Variants in NUP98 observed in about 807,000 individuals in gnomAD.
The protein encoded by NUP98 is nucleoporin 98 and 96 precursor, also known as nuclear pore complex protein Nup98-Nup96.
NUP98 carries 26 observed loss-of-function variants against 191.9 expected under a neutral mutation model. That is an observed-to-expected ratio of 0.14 (90% CI 0.10 to 0.19). The LOEUF is 0.19. Ranked by LOEUF, NUP98 falls within the 10% of genes least tolerant of loss-of-function variation. NUP98 has a pLI of 1.00. For synonymous variants in NUP98, 808 were observed against 778.4 expected (o/e 1.04, Z -0.63); for missense variants, 1,941 against 2,178.8 (o/e 0.89, Z 2.17).
chr11:3,703,341 G>C (rs943999117), intron 22 of NUP98, among the ~76,000 whole-genome samples: 1 of 150,744 alleles, frequency 6.6e-6, no homozygotes, highest in Non-Finnish European at 1.5e-5. Flanking sequence ...TCAGCCTCCC[G>C]AGTAGCTGGG....
chr11:3,743,722 C>T, intron 12 of NUP98, among the ~76,000 whole-genome samples: 1 of 150,608 alleles, frequency 6.6e-6, no homozygotes, highest in Non-Finnish European at 1.5e-5. Flanking sequence ...TGGACCCTGG[C>T]AAAGTCTGGA....
At chr11:3,692,707 G>C (rs1451977274) in intron 27 of NUP98, among the ~76,000 whole-genome samples, 2 of 152,146 alleles carry the variant, frequency 1.3e-5, no homozygotes, top group Admixed American at 1.3e-4. Context: ...ATTTCAGGTA[G>C]CTATCACTAA....
chr11:3,761,431 A>C (rs2081163218), intron 9 of NUP98, among the ~76,000 whole-genome samples: 1 of 152,066 alleles, frequency 6.6e-6, no homozygotes, highest in Admixed American at 6.6e-5. Context: ...TTACCAGCCT[A>C]GCCAACGTGG....
intron 5 of NUP98, among the ~76,000 whole-genome samples, chr11:3,774,451 G>A (rs2081639492): frequency 6.6e-6 from 1 of 151,678 alleles, no homozygotes. Flanking sequence ...CTGGCCAGGC[G>A]CAGTGGCTCA....
chr11:3,729,265 C>T (rs755857357), intron 14 of NUP98, among the ~76,000 whole-genome samples: 8 of 151,724 alleles, frequency 5.3e-5, no homozygotes, highest in Non-Finnish European at 7.4e-5. Context: ...AATTTACAGA[C>T]GGTGGAATGA....
chr11:3,794,223 T>C (rs2082452716), intron 1 of NUP98, among the ~76,000 whole-genome samples: 3 of 152,238 alleles, frequency 2.0e-5, no homozygotes, highest in Non-Finnish European at 2.9e-5. Flanking sequence ...AGAGCCATAC[T>C]GTGCCAAATA....
chr11:3,741,268 A>C (rs781421458), intron 12 of NUP98, among the ~76,000 whole-genome samples: 17 of 152,154 alleles, frequency 1.1e-4, no homozygotes, highest in Non-Finnish European at 2.5e-4. Flanking sequence ...TGTATCTAAG[A>C]AACAGGTGTT....
chr11:3,757,690 T>C (rs762379483), intron 10 of NUP98, among the ~76,000 whole-genome samples: 28 of 151,712 alleles, frequency 1.8e-4, no homozygotes, highest in Non-Finnish European at 3.8e-4. Flanking sequence ...TCCCAGCTAC[T>C]TGGGAGGCTG....
chr11:3,791,898 G>A (rs975145898), intron 1 of NUP98, among the ~76,000 whole-genome samples: 3 of 150,566 alleles, frequency 2.0e-5, no homozygotes, highest in East Asian at 1.9e-4. Context: ...ACATGCATTC[G>A]GCTGGGCGCA....
At chr11:3,780,910 T>C (rs1372510122) in intron 2 of NUP98, among the ~76,000 whole-genome samples, 5 of 151,722 alleles carry the variant, frequency 3.3e-5, no homozygotes, top group Admixed American at 3.3e-4. Context: ...TGAAACCCCA[T>C]CCCTATTAAA....
intron 2 of NUP98, among the ~76,000 whole-genome samples, chr11:3,781,834 A>T (rs1448834454): frequency 1.3e-5 from 2 of 152,162 alleles, no homozygotes; most frequent in African/African-American, 4.8e-5. Context: ...TTCTACTGAC[A>T]ATCAGAAGAA....
intron 12 of NUP98, among the ~76,000 whole-genome samples, chr11:3,737,345 G>A (rs1212161041): frequency 6.7e-6 from 1 of 148,748 alleles, no homozygotes; most frequent in Non-Finnish European, 1.5e-5. Context: ...AAAAAAAGAG[G>A]CTGGGCGTGG....
intron 18 of NUP98, among the ~76,000 whole-genome samples, chr11:3,716,468 G>A (rs924908403): frequency 6.6e-6 from 1 of 152,052 alleles, no homozygotes; most frequent in Non-Finnish European, 1.5e-5. Context: ...CACTTTGGGA[G>A]GCCAAGGCAG....
intron 20 of NUP98, 127 bp from the exon 21 acceptor site, chr11:3,706,754 G>C: frequency 1.1e-6 from 1 of 870,594 alleles, no homozygotes; most frequent in East Asian, 2.5e-5. Flanking sequence ...TCTATGGTGA[G>C]GTAAGGTAGC....
chr11:3,772,013 C>G lies in NUP98; in HGVS notation c.604-85G>C, dbSNP rs1190908246. ...AGGCTAAATACTTGAATTTAGTATTCAAGTTCTATGTTCACATAGGAACCA... is the reference window on the plus strand; with the variant it reads ...AGGCTAAATACTTGAATTTAGTATTGAAGTTCTATGTTCACATAGGAACCA... On this transcript the variant is annotated intron_variant, in intron 6 of 32. Coordinates refer to ENST00000324932, the MANE Select transcript of NUP98 (RefSeq NM_016320.5). The G allele has an allele frequency of 3.5e-6, 4 of 1,150,300 alleles. No homozygotes were observed. In the African/African-American group the frequency reaches 4.6e-5, roughly 13 times the overall value. 71.3% of individuals were successfully genotyped at this position (1,150,300 alleles called of 1,614,324 possible).
rs754539788 is a variant in NUP98 at position 3,686,100 on chromosome 11, C to G, written c.4549G>C (p.Ala1517Pro). 4 of 1,614,216 alleles carry G rather than the reference C, an allele frequency of 2.5e-6. No homozygotes were observed. The highest frequency in any genetic ancestry group is 3.4e-6 in the Non-Finnish European group (4 of 1,180,028). ...LSWHLWEVLR[A>P]LNYTHLSAQC... Reference sequence around the variant, plus strand: ...GCTGAGAGATGGGTGTAGTTAAGAGCCCTCAGCACTTCCCACAAGTGCCAG... The same window carrying G: ...GCTGAGAGATGGGTGTAGTTAAGAGGCCTCAGCACTTCCCACAAGTGCCAG... Residue 1517 changes from alanine (A) to proline (P), a missense_variant, in exon 29 of 33, where the codon GCT becomes CCT. By Grantham distance (27) the Ala-to-Pro change is conservative. This residue lies in a region of NUP98 where 1,030 missense variants were observed against 1,115.8 expected (regional missense o/e 0.92). Transcript: ENST00000324932.
At chr11:3,694,600 C>T (rs946251600) in intron 26 of NUP98, among the ~76,000 whole-genome samples, 9 of 151,930 alleles carry the variant, frequency 5.9e-5, no homozygotes, top group African/African-American at 1.9e-4. Flanking sequence ...ATTAGCCCAG[C>T]GTGGTGGCAG....
chr11:3,697,777 C>T (rs982351114), intron 25 of NUP98, among the ~76,000 whole-genome samples: 3 of 143,274 alleles, frequency 2.1e-5, no homozygotes, highest in South Asian at 4.3e-4. Flanking sequence ...GATCGTTCCA[C>T]TGCACTCCAG....
At chr11:3,769,094 G>C (rs1440077542) in intron 7 of NUP98, among the ~76,000 whole-genome samples, 5 of 152,092 alleles carry the variant, frequency 3.3e-5, no homozygotes, top group Admixed American at 3.3e-4. Context: ...TTCTTTACAT[G>C]AATATATCCA....
Sources: gnomAD v4.1 joint callset for allele counts (sites outside exome capture counted in the v4.1 genomes callset) on GRCh38, gnomAD v4.1.1 for gene constraint, gnomAD v4.1.1 regional missense constraint, MANE v1.5 for transcripts, NCBI Gene and HGNC (gene_info 2026-07-23, HGNC 2026-07-21) for gene names.